DUOX2: variants seen among roughly 807,000 people sequenced by gnomAD.
The protein encoded by DUOX2 is NADH/NADPH thyroid oxidase p138-tox.
DUOX2 carries 185 observed loss-of-function variants against 183.3 expected under a neutral mutation model. The ratio of observed to expected loss-of-function variants is 1.01; its 90% CI spans 0.90 to 1.14. The LOEUF is 1.14. Among genes scored for constraint, DUOX2 ranks in the 50% most tolerant of loss-of-function variants. DUOX2 has a pLI of 0.00. For missense variants in DUOX2, 1,999 were observed against 2,022.9 expected, an observed-to-expected ratio of 0.99 and a Z score of 0.23; for synonymous variants, 788 against 812.4, an observed-to-expected ratio of 0.97 and a Z score of 0.51.
At chr15:45,109,089 T>C (rs1894309976) in intron 11 of DUOX2, 137 bp from the exon 12 acceptor site, 1 of 1,180,018 alleles carries the variant, frequency 8.5e-7, no homozygotes, top group Non-Finnish European at 1.2e-6. Context: ...TCTGTGCCCA[T>C]GCTGACCTTG....
intron 29 of DUOX2, 134 bp downstream of exon 29, chr15:45,097,104 G>A: frequency 1.5e-6 from 2 of 1,338,336 alleles, no homozygotes; most frequent in African/African-American, 1.4e-5. Flanking sequence ...CCCCGAGAGT[G>A]GTTTTTTGTT....
At position 45,110,470 on chromosome 15, in the gene DUOX2, T is replaced by C. The variant is rs1894350924; in HGVS notation, c.998A>G (p.Glu333Gly). Reference sequence around the variant, plus strand: ...GGGCACCATGGTAGAGAAGAACTGCTCAGAGGCCACCACAAATTCCGGGGA... The same window carrying C: ...GGGCACCATGGTAGAGAAGAACTGCCCAGAGGCCACCACAAATTCCGGGGA... ...SISPEFVVAS[E>G]QFFSTMVPPG... The change falls in exon 9 of 34, where the codon GAG (glutamate) becomes GGG (glycine). Residue 333 changes from glutamate (E) to glycine (G), a missense_variant. Physicochemically the swap from Glu to Gly is moderately conservative, Grantham distance 98. This residue lies in a region of DUOX2 where 1,628 missense variants were observed against 1,608.6 expected (regional missense o/e 1.01). Coordinates refer to ENST00000389039, the MANE Select transcript of DUOX2 (RefSeq NM_001363711.2). 1 of 1,613,864 alleles carries C rather than the reference T, an allele frequency of 6.2e-7. No homozygotes were observed. The highest frequency in any genetic ancestry group is 8.5e-7 in the Non-Finnish European group (1 of 1,179,976).
chr15:45,094,690 T>A lies in DUOX2; in HGVS notation c.4397A>T (p.Tyr1466Phe). The part of the protein sequence containing the change: ...EKFDLRTTML[Y>F]ICERHFQKVL... ...TTTCTGGAAGTGCCGCTCGCAGATG[T>A]ACTGGGGGCACAGGGGCAGGTCAGA... The change falls in exon 33 of 34, where the codon TAC (tyrosine) becomes TTC (phenylalanine). Residue 1466 changes from tyrosine (Y) to phenylalanine (F), a missense_variant and splice_region_variant. This residue lies in a region of DUOX2 where 1,628 missense variants were observed against 1,608.6 expected (regional missense o/e 1.01). Transcript: ENST00000389039. The A allele has an allele frequency of 6.2e-7, 1 of 1,613,948 alleles. No individual in the cohort carries two copies. The highest frequency in any genetic ancestry group is 1.1e-5 in the South Asian group (1 of 91,036).
intron 14 of DUOX2, 131 bp downstream of exon 14, chr15:45,107,214 A>G (rs899605482): frequency 1.8e-5 from 24 of 1,315,060 alleles, no homozygotes; most frequent in Non-Finnish European, 2.5e-5. Context: ...GGAGCCAGCC[A>G]AATGCAGGCC....
Position 45,103,967 on chromosome 15 carries a change from T to C in DUOX2, c.2647A>G (p.Met883Val), listed in dbSNP as rs1055997284. Residue 883 changes from methionine to valine, a missense_variant, in exon 20 of 34, where the codon ATG becomes GTG. Around this residue, in one of 3 missense-constraint regions of DUOX2, gnomAD observed 1,628 missense variants for 1,608.6 expected, o/e 1.01. Coordinates refer to ENST00000389039, the MANE Select transcript of DUOX2 (RefSeq NM_001363711.2). ...GAAAGGCACACCCCATACCGCATCA[T>C]GGTGAAGAATTCGTCCTTGGAGAGG... is the stretch of plus-strand genomic sequence containing the variant. The part of the protein sequence containing the change: ...GFLSKDEFFT[M>V]MRSFIEISNN... 6.2e-7 allele frequency: 1 copy of C among 1,614,182 alleles called. No homozygotes were observed. The highest frequency in any genetic ancestry group is 1.1e-5 in the South Asian group (1 of 91,084).
chr15:45,102,803 G>A (rs1479019724), intron 20 of DUOX2, among the ~76,000 whole-genome samples: 5 of 152,172 alleles, frequency 3.3e-5, no homozygotes, highest in African/African-American at 9.7e-5. Context: ...CCAACATGGT[G>A]AAACCCCATC....
At position 45,113,216 on chromosome 15, in the gene DUOX2, C is replaced by T. The variant is rs75354193; in HGVS notation, c.70+126G>A. 4.2e-3 allele frequency: 6,071 copies of T among 1,449,188 alleles called. 272 individuals are homozygous for T. In the African/African-American group the frequency reaches 0.078, roughly 19 times the overall value. 89.8% of individuals were successfully genotyped at this position (1,449,188 alleles called of 1,614,324 possible). On this transcript the variant is annotated intron_variant, in intron 2 of 33. Coordinates refer to ENST00000389039, the MANE Select transcript of DUOX2 (RefSeq NM_001363711.2). ...GTGTCGGGCCGCACTGGGAAGTTTC[C>T]CATCCCGCTGAGCTGCACGGCGAAA...
Position 45,105,746 on chromosome 15 carries a change from A to C in DUOX2, c.2231T>G (p.Leu744Arg), listed in dbSNP as rs1283100217. Residue 744 changes from leucine (L) to arginine (R), a missense_variant, in exon 18 of 34, where the codon CTC (leucine) becomes CGC (arginine). Physicochemically the swap from Leu to Arg is moderately radical, Grantham distance 102 (BLOSUM62 -2). Coordinates refer to ENST00000389039, the MANE Select transcript of DUOX2 (RefSeq NM_001363711.2). The part of the protein sequence containing the change: ...WDFCVRWALG[L>R]HVAEMSEKEL... The stretch of plus-strand genomic sequence containing the variant: ...CTTCTCGCTCATCTCAGCCACATGG[A>C]GGCCCAGAGCCCAGCGCACGCAGAA... 3 of 1,614,086 alleles carry C rather than the reference A, an allele frequency of 1.9e-6. No individual in the cohort carries two copies. The highest frequency in any genetic ancestry group is 2.5e-6 in the Non-Finnish European group (3 of 1,180,046).
chr15:45,105,795 C>T lies in DUOX2; in HGVS notation c.2182G>A (p.Ala728Thr), dbSNP rs138353181. 12,527 of 1,614,188 alleles carry T rather than the reference C, an allele frequency of 7.8e-3. 72 individuals are homozygous for T. The highest frequency in any genetic ancestry group is 0.017 in the Admixed American group (1,047 of 60,034). Residue 728 changes from alanine to threonine, a missense_variant, in exon 18 of 34, where the codon GCC becomes ACC. Transcript: ENST00000389039. ...AAGTCCCATAGCTGCTGCACAAAGG[C>T]GCCCCGTTCCTCTTCAGAACTAAAC... Reference protein sequence around the residue: ...LLFSSEEERGAFVQQLWDFCV... With the variant: ...LLFSSEEERGTFVQQLWDFCV...
At position 45,104,013 on chromosome 15, in the gene DUOX2, A is replaced by G. The variant is rs774901160; in HGVS notation, c.2601T>C (p.Tyr867=). 2.5e-6 allele frequency: 4 copies of G among 1,614,200 alleles called. No individual in the cohort carries two copies. In the South Asian group the frequency reaches 3.3e-5, roughly 13 times the overall value. The change falls in exon 20 of 34, where the codon TAT becomes TAC. Residue 867 remains tyrosine (Y), a synonymous_variant. Coordinates refer to ENST00000389039, the MANE Select transcript of DUOX2 (RefSeq NM_001363711.2). ...EDKSRLMFTM[Y]DLDENGFLSK... is the part of the protein sequence containing the mutation. ...AGAGGAAGCCATTCTCATCCAGGTC[A>G]TACATGGTAAACATTAGACGGGACT...
At position 45,095,522 on chromosome 15, in the gene DUOX2, C is replaced by T. The variant is rs1312232164; in HGVS notation, c.4154G>A (p.Gly1385Glu). The change falls in exon 31 of 34, where the codon GGG (glycine) becomes GAG (glutamate). Residue 1385 changes from glycine (G) to glutamate (E), a missense_variant. Transcript: ENST00000389039. The part of the protein sequence containing the change: ...HKFEVSVLVG[G>E]GIGVTPFASI... Reference sequence around the variant, plus strand: ...GGCAAAGGGGGTGACCCCAATGCCCCCTCCCACCAACACTGACACCTCAAA... The same window carrying T: ...GGCAAAGGGGGTGACCCCAATGCCCTCTCCCACCAACACTGACACCTCAAA... 1 of 1,614,056 alleles carries T rather than the reference C, an allele frequency of 6.2e-7. No homozygotes were observed. Among genetic ancestry groups the T allele is most frequent in the African/African-American group, 1.3e-5 (1 of 74,912 alleles).
rs1057394923 is a variant in DUOX2 at position 45,097,642 on chromosome 15, TG to T, written c.3664del (p.His1222ThrfsTer19). The part of the protein sequence containing the change: ...RRSFRGFWLT[H>X]HLYILLYALL... ...GGCATAGAGCAGGATGTAGAGGTGG[TG>T]GGTCAGCCAGAAGCCCCGGAAGCTG... On this transcript the variant is annotated frameshift_variant, in exon 28 of 34. Transcript: ENST00000389039. LOFTEE classifies it high-confidence loss of function. 1.2e-6 allele frequency: 2 copies of T among 1,614,070 alleles called. No homozygotes were observed. Among genetic ancestry groups the T allele is most frequent in the South Asian group, 1.1e-5 (1 of 91,084 alleles).
Position 45,097,639 on chromosome 15 carries a change from T to C in DUOX2, c.3668A>G (p.His1223Arg). ...CAGGGCATAGAGCAGGATGTAGAGGTGGTGGGTCAGCCAGAAGCCCCGGAA... is the reference window on the plus strand; with the variant it reads ...CAGGGCATAGAGCAGGATGTAGAGGCGGTGGGTCAGCCAGAAGCCCCGGAA... ...RSFRGFWLTH[H>R]LYILLYALLI... The change falls in exon 28 of 34, where the codon CAC becomes CGC. Residue 1223 changes from histidine to arginine, a missense_variant. This residue lies in a region of DUOX2 where 1,628 missense variants were observed against 1,608.6 expected (regional missense o/e 1.01). Transcript: ENST00000389039. The C allele has an allele frequency of 6.2e-7, 1 of 1,613,806 alleles. No individual in the cohort carries two copies. The highest frequency in any genetic ancestry group is 8.5e-7 in the Non-Finnish European group (1 of 1,179,928).
Position 45,112,549 on chromosome 15 carries a change from C to T in DUOX2, c.325+5G>A. On this transcript the variant is annotated splice_donor_5th_base_variant and intron_variant, in intron 4 of 33. Coordinates refer to ENST00000389039, the MANE Select transcript of DUOX2 (RefSeq NM_001363711.2). ...AACCCCACTGGTCTCCCCCTTTGCCCTCACCAAAGAAGACCCCCAGTACGG... is the reference window on the plus strand; with the variant it reads ...AACCCCACTGGTCTCCCCCTTTGCCTTCACCAAAGAAGACCCCCAGTACGG... 6.2e-7 allele frequency: 1 copy of T among 1,612,762 alleles called. No homozygotes were observed. The highest frequency in any genetic ancestry group is 8.5e-7 in the Non-Finnish European group (1 of 1,179,620).
intron 22 of DUOX2, 149 bp downstream of exon 22, chr15:45,101,056 G>C: frequency 1.3e-6 from 1 of 769,018 alleles, no homozygotes; most frequent in Non-Finnish European, 2.3e-6. Context: ...TAGGGTGAGA[G>C]AGGCAGCTGG....
In DUOX2 at chr15:45,097,319, T is replaced by C; in HGVS notation, c.3766A>G (p.Ile1256Val). 5 of 1,614,216 alleles carry C rather than the reference T, an allele frequency of 3.1e-6. No individual in the cohort carries two copies. Among genetic ancestry groups the C allele is most frequent in the Non-Finnish European group, 4.2e-6 (5 of 1,180,034 alleles). Reference sequence around the variant, plus strand: ...CTCACCAGCTTGTCACCTCCATAGATGATTGCCGGGACCAGGAAGTAGATG... The same window carrying C: ...CTCACCAGCTTGTCACCTCCATAGACGATTGCCGGGACCAGGAAGTAGATG... The part of the protein sequence containing the change: ...FHIYFLVPAI[I>V]YGGDKLVSLS... Residue 1256 changes from isoleucine to valine, a missense_variant, in exon 29 of 34, where the codon ATC becomes GTC. By Grantham distance (29) the Ile-to-Val change is conservative. Coordinates refer to ENST00000389039, the MANE Select transcript of DUOX2 (RefSeq NM_001363711.2).
At chr15:45,106,022 A>G (rs1269856818) in intron 17 of DUOX2, 103 bp downstream of exon 17, 2 of 1,454,354 alleles carry the variant, frequency 1.4e-6, no homozygotes, top group Admixed American at 1.9e-5. Context: ...CCCCAGCATC[A>G]GCTGTCATAG....
chr15:45,109,845 G>C, intron 10 of DUOX2, 45 bp downstream of exon 10: 4 of 1,574,994 alleles, frequency 2.5e-6, no homozygotes, highest in Non-Finnish European at 3.5e-6. Context: ...TGTGTGAAGA[G>C]ACTGACCTTG....
chr15:45,102,118 G>C, intron 20 of DUOX2, 129 bp from the exon 21 acceptor site: 1 of 1,203,658 alleles, frequency 8.3e-7, no homozygotes, highest in Non-Finnish European at 1.2e-6. Context: ...CTGAGAAGGT[G>C]CTCATCCAGC....
Sources: gnomAD v4.1 joint callset for allele counts (sites outside exome capture counted in the v4.1 genomes callset) on GRCh38, gnomAD v4.1.1 for gene constraint, gnomAD v4.1.1 regional missense constraint, MANE v1.5 for transcripts, NCBI Gene and HGNC (gene_info 2026-07-23, HGNC 2026-07-21) for gene names.